AOX1: variants seen among roughly 807,000 people sequenced by gnomAD.
AOX1 encodes the protein aldehyde oxidase 1.
AOX1 carries 153 observed loss-of-function variants against 169.5 expected under a neutral mutation model. The ratio of observed to expected loss-of-function variants is 0.90; its 90% CI spans 0.79 to 1.03. AOX1 has a LOEUF of 1.03. Among genes scored for constraint, AOX1 ranks in the 50% least tolerant of loss-of-function variants. The pLI is 0.00. For missense variants in AOX1, 1,656 were observed against 1,663.9 expected, an observed-to-expected ratio of 1.00 and a Z score of 0.08; for synonymous variants, 562 against 581.9, an observed-to-expected ratio of 0.97 and a Z score of 0.49.
At chr2:200,635,153 TCAGGGAC>T (rs1258033668) in intron 21 of AOX1, among the ~76,000 whole-genome samples, 3 of 152,144 alleles carry the variant, frequency 2.0e-5, no homozygotes, top group African/African-American at 7.2e-5. Flanking sequence ...TGTTATTTCT[TCAGGGAC>T]TGAAGAAATA....
At chr2:200,592,421 C>G (rs1327494286) in intron 1 of AOX1, among the ~76,000 whole-genome samples, 2 of 152,114 alleles carry the variant, frequency 1.3e-5, no homozygotes, top group Non-Finnish European at 2.9e-5. Flanking sequence ...TCTATGTGTT[C>G]TATGAATCCA....
At chr2:200,654,968 G>A (rs114663075) in intron 26 of AOX1, among the ~76,000 whole-genome samples, 2,000 of 152,248 alleles carry the variant, frequency 0.013, 41 homozygotes, top group African/African-American at 0.046. Context: ...TGCTGTCTTG[G>A]ACATACAGGC....
At position 200,638,277 on chromosome 2, in the gene AOX1, G is replaced by A. The variant is rs762829482; in HGVS notation, c.2543G>A (p.Arg848His). The A allele has an allele frequency of 9.3e-6, 15 of 1,613,304 alleles. No individual in the cohort carries two copies. The highest frequency in any genetic ancestry group is 8.3e-5 in the Admixed American group (5 of 59,976). The change falls in exon 23 of 35, where the codon CGC becomes CAC. Residue 848 changes from arginine (R) to histidine (H), a missense_variant. Physicochemically the swap from Arg to His is conservative, Grantham distance 29 (BLOSUM62 0). Coordinates refer to ENST00000374700, the MANE Select transcript of AOX1 (RefSeq NM_001159.4). The stretch of plus-strand genomic sequence containing the variant: ...GAAGACATGTTAATAACTGGAGGCC[G>A]CCATCCTTACCTTGGAAAGTACAAA... ...RGEDMLITGG[R>H]HPYLGKYKAG...
In AOX1 at chr2:200,613,903, G is replaced by A; in HGVS notation, c.1548G>A (p.Arg516=). The A allele has an allele frequency of 6.2e-7, 1 of 1,612,676 alleles. No individual in the cohort carries two copies. ...CAGGTGGGAAAGTGGAGTTCAAGAG[G>A]ACTCTCATCATCAGCTTCCTCTTCA... ...SAPGGKVEFK[R]TLIISFLFKF... The change falls in exon 15 of 35, where the codon AGG becomes AGA. Residue 516 remains arginine (R), a synonymous_variant. Coordinates refer to ENST00000374700, the MANE Select transcript of AOX1 (RefSeq NM_001159.4).
chr2:200,673,347 T>C (rs2036053234), downstream of AOX1, among the ~76,000 whole-genome samples: 1 of 152,088 alleles, frequency 6.6e-6, no homozygotes, highest in African/African-American at 2.4e-5. Context: ...CCCAAGCAGA[T>C]CTCCTTTTCT....
chr2:200,654,206 CAAAAAAAAAAAA>C (rs60045401), intron 26 of AOX1, among the ~76,000 whole-genome samples: 1 of 84,746 alleles, frequency 1.2e-5, no homozygotes, highest in Admixed American at 1.4e-4. Context: ...GACCCTGTCT[CAAAAAAAAAAAA>C]AAAAAAAAAA....
intron 14 of AOX1, among the ~76,000 whole-genome samples, chr2:200,613,330 T>A (rs1163167090): frequency 1.3e-5 from 2 of 152,204 alleles, no homozygotes; most frequent in East Asian, 3.9e-4. Context: ...CTCTGTTAAC[T>A]CCTCCATGCT....
At chr2:200,610,844 T>C (rs1304157411) in intron 12 of AOX1, among the ~76,000 whole-genome samples, 1 of 152,194 alleles carries the variant, frequency 6.6e-6, no homozygotes, top group Non-Finnish European at 1.5e-5. Context: ...ATTTTTTAAA[T>C]CTATTTTTTA....
At chr2:200,603,980 C>T (rs946349784) in intron 7 of AOX1, 37 bp from the exon 8 acceptor site, 5 of 1,380,170 alleles carry the variant, frequency 3.6e-6, no homozygotes, top group South Asian at 1.2e-5. Flanking sequence ...TTTAAAGTTG[C>T]TCGATAACAG....
chr2:200,634,097 T>C (rs1013820869), intron 20 of AOX1, among the ~76,000 whole-genome samples: 1 of 151,960 alleles, frequency 6.6e-6, no homozygotes. Flanking sequence ...ATTGTCTTAA[T>C]TTTTTTGTCT....
chr2:200,623,750 A>T, intron 18 of AOX1, 111 bp from the exon 19 acceptor site: 4 of 1,532,092 alleles, frequency 2.6e-6, no homozygotes, highest in Non-Finnish European at 3.6e-6. Flanking sequence ...ACCTGTGTGT[A>T]TCTAGCCCTA....
rs2034696293 is a variant in AOX1, at chr2:200,613,880, G to T, written c.1525G>T (p.Gly509Cys). 6.2e-7 allele frequency: 1 copy of T among 1,612,746 alleles called. No homozygotes were observed. Among genetic ancestry groups the T allele is most frequent in the African/African-American group, 1.3e-5 (1 of 74,988 alleles). The change falls in exon 15 of 35, where the codon GGT becomes TGT. Residue 509 changes from glycine (G) to cysteine (C), a missense_variant. Physicochemically the swap from Gly to Cys is radical, Grantham distance 159. Transcript: ENST00000374700. ...AGTCTCCCTTTTGGGCTCGGCGCCA[G>T]GTGGGAAAGTGGAGTTCAAGAGGAC... is the stretch of plus-strand genomic sequence containing the variant. ...NEVSLLGSAP[G>C]GKVEFKRTLI...
At chr2:200,639,276 A>G (rs1490762831) in intron 23 of AOX1, among the ~76,000 whole-genome samples, 1 of 152,184 alleles carries the variant, frequency 6.6e-6, no homozygotes, top group African/African-American at 2.4e-5. Context: ...GGGAAGCGAG[A>G]GAGAAGAGAG....
intron 21 of AOX1, among the ~76,000 whole-genome samples, chr2:200,636,174 G>C (rs2105741258): frequency 7.4e-6 from 1 of 134,310 alleles, no homozygotes; most frequent in South Asian, 2.4e-4. Context: ...GGTCACCCAG[G>C]CTGGAGTGCA....
rs367748844 is a variant in AOX1, at chr2:200,662,963, T to C, written c.3537T>C (p.Asp1179=). 6.2e-7 allele frequency: 1 copy of C among 1,613,554 alleles called. No homozygotes were observed. Among genetic ancestry groups the C allele is most frequent in the Non-Finnish European group, 8.5e-7 (1 of 1,179,634 alleles). Residue 1179 remains aspartate (D), a synonymous_variant, in exon 31 of 35, where the codon GAT becomes GAC. Transcript: ENST00000374700. Reference sequence around the variant, plus strand: ...TTGAAATAGACTGCCTGACGGGGGATCATAAGGTCAGTACCGGTTGGAAAG... The same window carrying C: ...TTGAAATAGACTGCCTGACGGGGGACCATAAGGTCAGTACCGGTTGGAAAG... The part of the protein sequence containing the change: ...SEVEIDCLTG[D]HKNIRTDIVM...
chr2:200,668,116 T>A (rs997378449), intron 32 of AOX1, among the ~76,000 whole-genome samples: 2 of 151,576 alleles, frequency 1.3e-5, no homozygotes, highest in Non-Finnish European at 1.5e-5. Context: ...TATTATTTTT[T>A]TTTTTTGAGA....
Position 200,615,014 on chromosome 2 carries a change from ATT to A in AOX1, c.1612-947_1612-946del, listed in dbSNP as rs55905167. Among the ~76,000 whole-genome samples the A allele has an allele frequency of 2.1e-4, 31 of 149,986 alleles. No homozygotes were observed. The East Asian group carries it at 5.1e-3, about 25-fold the overall frequency. On this transcript the variant is annotated intron_variant, in intron 15 of 34. Coordinates refer to ENST00000374700, the MANE Select transcript of AOX1 (RefSeq NM_001159.4). Reference sequence around the variant, plus strand: ...TAATAGCTTTTGTTGGTTTTATTTAATTTTTTTTTTTGAGACAGGGTCTCTGT... The same window carrying A: ...TAATAGCTTTTGTTGGTTTTATTTAATTTTTTTTTGAGACAGGGTCTCTGT...
chr2:200,613,449 T>G (rs538801001), intron 14 of AOX1, among the ~76,000 whole-genome samples: 1 of 152,246 alleles, frequency 6.6e-6, no homozygotes, highest in African/African-American at 2.4e-5. Context: ...AGTGAATACA[T>G]ATAAGGTGCT....
At chr2:200,637,171 A>G (rs2035252516) in intron 22 of AOX1, 127 bp downstream of exon 22, 1 of 1,162,356 alleles carries the variant, frequency 8.6e-7, no homozygotes. Flanking sequence ...CACACAAACA[A>G]GCTGCCAGCT....
Sources: allele counts gnomAD v4.1 joint callset (sites outside exome capture counted in the v4.1 genomes callset), GRCh38; gene constraint gnomAD v4.1.1; transcripts MANE v1.5; gene names NCBI Gene and HGNC (gene_info 2026-07-23, HGNC 2026-07-21).